SLC22A4: variants seen among roughly 807,000 people sequenced by gnomAD.
SLC22A4 encodes the protein solute carrier family 22 member 4.
In SLC22A4, 39 loss-of-function variants were observed where a neutral mutation model predicts 56.6. That is an observed-to-expected ratio of 0.69 (90% confidence interval 0.53 to 0.90). The LOEUF (loss-of-function observed/expected upper bound fraction) is 0.90, where lower values mean the gene tolerates loss of function less well. SLC22A4 is among the 40% of genes least tolerant of loss of function. SLC22A4 has a pLI of 0.00. For synonymous variants in SLC22A4, 241 were observed against 281.4 expected, an observed-to-expected ratio of 0.86 and a Z score of 1.44; for missense variants, 594 against 696.5, an observed-to-expected ratio of 0.85 and a Z score of 1.66.
At chr5:132,329,131 G>A (rs893712907) in intron 5 of SLC22A4, among the ~76,000 whole-genome samples, 1 of 151,670 alleles carries the variant, frequency 6.6e-6, no homozygotes, top group African/African-American at 2.4e-5. Context: ...GTAGAGACAG[G>A]GTTTCACTAT....
At chr5:132,342,681 T>C (rs1751257411) in intron 9 of SLC22A4, among the ~76,000 whole-genome samples, 1 of 152,242 alleles carries the variant, frequency 6.6e-6, no homozygotes, top group Non-Finnish European at 1.5e-5. Flanking sequence ...GATTATTTGC[T>C]AGAATGACTC....
At chr5:132,305,837 T>C (rs1750014922) in intron 1 of SLC22A4, among the ~76,000 whole-genome samples, 1 of 152,238 alleles carries the variant, frequency 6.6e-6, no homozygotes. Flanking sequence ...GCAAAATGTA[T>C]ACTTTAAAAA....
At chr5:132,312,010 T>A (rs1488040630) in intron 1 of SLC22A4, 151 bp from the exon 2 acceptor site, 1 of 740,976 alleles carries the variant, frequency 1.3e-6, no homozygotes, top group Non-Finnish European at 2.5e-6. Flanking sequence ...AACCCAGGGC[T>A]GCAAGGCCTA....
chr5:132,307,831 G>A (rs139080699), intron 1 of SLC22A4, among the ~76,000 whole-genome samples: 258 of 152,082 alleles, frequency 1.7e-3, no homozygotes, highest in South Asian at 6.2e-3. Flanking sequence ...CAGGTCAGAC[G>A]GGGTTCACTT....
chr5:132,310,837 A>G (rs1750161870), intron 1 of SLC22A4, among the ~76,000 whole-genome samples: 1 of 152,184 alleles, frequency 6.6e-6, no homozygotes. Context: ...TACTTCGGAT[A>G]CTGTAACCCT....
At chr5:132,322,392 CG>C in intron 4 of SLC22A4, 37 bp downstream of exon 4, 1 of 1,593,372 alleles carries the variant, frequency 6.3e-7, no homozygotes. Context: ...CCCTCTGCTG[CG>C]GGTCAGCACA....
intron 1 of SLC22A4, chr5:132,311,945 G>A: frequency 1.6e-6 from 1 of 612,152 alleles, no homozygotes; most frequent in East Asian, 2.8e-5. Flanking sequence ...TGAGTTTCAG[G>A]GAGGGCAGTG....
intron 1 of SLC22A4, among the ~76,000 whole-genome samples, chr5:132,296,204 C>G (rs1055728429): frequency 1.3e-5 from 2 of 152,186 alleles, no homozygotes; most frequent in Non-Finnish European, 2.9e-5. Context: ...AAAATGTGAG[C>G]AAGACCTGTC....
chr5:132,327,845 T>C (rs1337234728), intron 5 of SLC22A4, among the ~76,000 whole-genome samples: 1 of 152,186 alleles, frequency 6.6e-6, no homozygotes, highest in East Asian at 1.9e-4. Context: ...TCTCACTCTG[T>C]GTCATGTCTA....
At chr5:132,305,781 GAA>G (rs1393335480) in intron 1 of SLC22A4, among the ~76,000 whole-genome samples, 1 of 152,146 alleles carries the variant, frequency 6.6e-6, no homozygotes, top group Admixed American at 6.5e-5. Flanking sequence ...TGTCTTACAA[GAA>G]ATATTAAAGG....
chr5:132,313,588 GT>G (rs1014240696), intron 2 of SLC22A4, 25 bp from the exon 3 acceptor site: 64 of 1,613,024 alleles, frequency 4.0e-5, no homozygotes, highest in Non-Finnish European at 5.2e-5. Context: ...CACATCTCAT[GT>G]TTTGTGTTAT....
Position 132,294,895 on chromosome 5 carries a change from G to C in SLC22A4, c.279G>C (p.Ser93=), listed in dbSNP as rs1406403367. 2 of 1,595,638 alleles carry C rather than the reference G, an allele frequency of 1.3e-6. No homozygotes were observed. Among genetic ancestry groups the C allele is most frequent in the East Asian group, 2.3e-5 (1 of 43,942 alleles). The part of the protein sequence containing the change: ...RYRLATIANF[S]ALGLEPGRDV... ...GGCTCGCCACCATCGCCAACTTCTC[G>C]GCGCTCGGGCTGGAGCCGGGGCGCG... is the stretch of plus-strand genomic sequence containing the variant. Residue 93 remains serine (S), a synonymous_variant, in exon 1 of 10, where the codon TCG becomes TCC. Transcript: ENST00000200652. The surrounding 1 kb of genome is among the most constrained non-coding windows in gnomAD (Gnocchi z 5.6).
At chr5:132,302,152 C>G (rs1749920409) in intron 1 of SLC22A4, among the ~76,000 whole-genome samples, 1 of 152,206 alleles carries the variant, frequency 6.6e-6, no homozygotes, top group Non-Finnish European at 1.5e-5. Flanking sequence ...CTGTGTTCCT[C>G]TGACAACAGC....
intron 4 of SLC22A4, chr5:132,324,530 C>T (rs1750633638): frequency 2.1e-6 from 1 of 471,032 alleles, no homozygotes; most frequent in African/African-American, 2.0e-5. Context: ...CAGACAGAGG[C>T]CAGCCTGGGA....
chr5:132,321,302 T>A (rs1357019907), intron 3 of SLC22A4, among the ~76,000 whole-genome samples: 2 of 152,174 alleles, frequency 1.3e-5, no homozygotes, highest in Non-Finnish European at 2.9e-5. Flanking sequence ...GGCCTGTCTG[T>A]GTACCTCCAG....
At chr5:132,326,653 A>G (rs1023120409) in intron 4 of SLC22A4, among the ~76,000 whole-genome samples, 1 of 152,260 alleles carries the variant, frequency 6.6e-6, no homozygotes, top group African/African-American at 2.4e-5. Flanking sequence ...ATTTAAAACA[A>G]TAAGCTTTTT....
Position 132,343,935 on chromosome 5 carries a change from C to T in SLC22A4, c.*100C>T, listed in dbSNP as rs1751291802. On this transcript the variant is annotated 3_prime_UTR_variant, in exon 10 of 10. Coordinates refer to ENST00000200652, the MANE Select transcript of SLC22A4 (RefSeq NM_003059.3). ...GAAATGGACTGACTGTAACGATTGACACCAAAATGAACCTTGCTATCAAGA... is the reference window on the plus strand; with the variant it reads ...GAAATGGACTGACTGTAACGATTGATACCAAAATGAACCTTGCTATCAAGA... 3 of 726,926 alleles carry T rather than the reference C, an allele frequency of 4.1e-6. No individual in the cohort carries two copies. Among genetic ancestry groups the T allele is most frequent in the South Asian group, 3.4e-5 (2 of 59,614 alleles). 45.0% of individuals were successfully genotyped at this position (726,926 alleles called of 1,614,324 possible). A position where few individuals can be genotyped will look rare whatever the true frequency, so the allele number is the denominator to read the frequency against.
chr5:132,322,444 CT>C (rs1156620512), intron 4 of SLC22A4, 89 bp downstream of exon 4: 1 of 1,321,922 alleles, frequency 7.6e-7, no homozygotes, highest in Non-Finnish European at 1.1e-6. Context: ...CTAGCCTGGG[CT>C]TGCATGACCT....
intron 8 of SLC22A4, among the ~76,000 whole-genome samples, chr5:132,339,475 T>TACACACACACACACACACAC (rs58759726): frequency 9.3e-4 from 137 of 146,736 alleles, no homozygotes; most frequent in Admixed American, 4.4e-3. Context: ...GGTACACACG[T>TACACACACACACACACACAC]ACACACACAC....
Sources: allele counts gnomAD v4.1 joint callset (sites outside exome capture counted in the v4.1 genomes callset), GRCh38; gene constraint gnomAD v4.1.1; non-coding constraint Gnocchi (gnomAD v3.1); transcripts MANE v1.5; gene names NCBI Gene and HGNC (gene_info 2026-07-23, HGNC 2026-07-21).